SLC20A2: variants seen among roughly 807,000 people sequenced by gnomAD.
SLC20A2 encodes the protein sodium-dependent phosphate transporter 2.
SLC20A2 carries 30 observed loss-of-function variants against 61.0 expected under a neutral mutation model. The observed-to-expected ratio is 0.49, with a 90% confidence interval of 0.37 to 0.67. The LOEUF (loss-of-function observed/expected upper bound fraction) is 0.67, where lower values mean the gene tolerates loss of function less well. SLC20A2 is among the 30% of genes least tolerant of loss of function. The pLI is 0.00. For missense variants in SLC20A2, 626 were observed against 866.4 expected, an observed-to-expected ratio of 0.72 and a Z score of 3.48; for synonymous variants, 351 against 353.3, an observed-to-expected ratio of 0.99 and a Z score of 0.07.
At chr8:42,420,734 A>T (rs1802983611) in intron 10 of SLC20A2, among the ~76,000 whole-genome samples, 1 of 152,214 alleles carries the variant, frequency 6.6e-6, no homozygotes, top group Non-Finnish European at 1.5e-5. Context: ...CAGTTTTAGT[A>T]ATTTTTCAGC....
intron 1 of SLC20A2, among the ~76,000 whole-genome samples, chr8:42,481,392 A>G (rs796091701): frequency 3.9e-5 from 6 of 152,286 alleles, no homozygotes; most frequent in African/African-American, 1.4e-4. Flanking sequence ...CAATGCCGAG[A>G]AACTAGGAAG....
At chr8:42,459,047 C>T (rs1330860248) in intron 5 of SLC20A2, among the ~76,000 whole-genome samples, 12 of 146,638 alleles carry the variant, frequency 8.2e-5, no homozygotes, top group African/African-American at 1.8e-4. Flanking sequence ...TCGAGGCAGG[C>T]GGATCACAAG....
At chr8:42,541,188 C>T (rs1312263709) in intron 1 of SLC20A2, 1 of 152,140 alleles carries the variant, frequency 6.6e-6, no homozygotes, top group Non-Finnish European at 1.5e-5. Context: ...AGGAGGCGCC[C>T]GGCACTCGCA....
At chr8:42,484,722 G>A in intron 1 of SLC20A2, 1 of 372,618 alleles carries the variant, frequency 2.7e-6, no homozygotes, top group Non-Finnish European at 5.2e-6. Context: ...TCTATGGCTG[G>A]CAGCCACCAT....
intron 1 of SLC20A2, among the ~76,000 whole-genome samples, chr8:42,479,082 G>A (rs1164174761): frequency 6.6e-6 from 1 of 152,116 alleles, no homozygotes; most frequent in Non-Finnish European, 1.5e-5. Flanking sequence ...CAGAGGAAAG[G>A]CCTGCTCCAG....
At chr8:42,507,882 C>T (rs1329647108) in intron 1 of SLC20A2, among the ~76,000 whole-genome samples, 1 of 152,146 alleles carries the variant, frequency 6.6e-6, no homozygotes, top group African/African-American at 2.4e-5. Flanking sequence ...AAGGCTGGCC[C>T]GGCGCGGTGG....
At chr8:42,470,599 T>C (rs927619561) in intron 2 of SLC20A2, among the ~76,000 whole-genome samples, 2 of 152,168 alleles carry the variant, frequency 1.3e-5, no homozygotes, top group Non-Finnish European at 2.9e-5. Context: ...TACAACAGGC[T>C]GCTTCTTATC....
At chr8:42,514,468 C>A (rs952363700) in intron 1 of SLC20A2, among the ~76,000 whole-genome samples, 3 of 152,020 alleles carry the variant, frequency 2.0e-5, no homozygotes, top group African/African-American at 7.2e-5. Flanking sequence ...GCTAAAAAGC[C>A]CTCCCCTGGC....
intron 3 of SLC20A2, among the ~76,000 whole-genome samples, chr8:42,464,099 T>TTTTTTTTTTC (rs1806945372): frequency 1.7e-5 from 1 of 58,376 alleles, no homozygotes; most frequent in Admixed American, 2.1e-4. Context: ...GATCTTTTTT[T>TTTTTTTTTTC]TTTTTTTTTT....
rs528315772 is a variant in SLC20A2, at chr8:42,425,817, C to T, written c.1794+2941G>A. ...CAGCACTTTGGGAGGCTGAGGCGGG[C>T]GGATCACGAGGTCAGGAGATCGAGA... On this transcript the variant is annotated intron_variant, in intron 10 of 10. Coordinates refer to ENST00000520262, the MANE Select transcript of SLC20A2 (RefSeq NM_001257180.2). Among the ~76,000 whole-genome samples the T allele has an allele frequency of 9.9e-5, 15 of 152,062 alleles. No homozygotes were observed. The East Asian group carries it at 1.2e-3, about 12-fold the overall frequency.
At chr8:42,532,633 C>T (rs140622080) in intron 1 of SLC20A2, among the ~76,000 whole-genome samples, 2 of 152,202 alleles carry the variant, frequency 1.3e-5, no homozygotes, top group East Asian at 3.9e-4. Context: ...ACAACAAATC[C>T]ATCTAGTAAT....
At chr8:42,467,009 T>C (rs1807224949) in intron 2 of SLC20A2, among the ~76,000 whole-genome samples, 1 of 152,164 alleles carries the variant, frequency 6.6e-6, no homozygotes, top group African/African-American at 2.4e-5. Context: ...GGTCTTGCTA[T>C]GTTGCCCTGG....
At chr8:42,532,531 A>G (rs894320199) in intron 1 of SLC20A2, among the ~76,000 whole-genome samples, 5 of 152,236 alleles carry the variant, frequency 3.3e-5, no homozygotes, top group Admixed American at 6.5e-5. Flanking sequence ...AAACAGAGGA[A>G]GCTCAATGTT....
At chr8:42,443,932 G>A (rs973460683) in intron 6 of SLC20A2, among the ~76,000 whole-genome samples, 1 of 152,098 alleles carries the variant, frequency 6.6e-6, no homozygotes, top group Non-Finnish European at 1.5e-5. Flanking sequence ...TCAGTATCAC[G>A]GCTGTAGGAT....
At chr8:42,444,333 C>A (rs191473177) in intron 6 of SLC20A2, among the ~76,000 whole-genome samples, 27 of 152,304 alleles carry the variant, frequency 1.8e-4, no homozygotes, top group Admixed American at 1.5e-3. Flanking sequence ...GAGTGGGAAA[C>A]AAAATCTCCT....
At chr8:42,480,686 G>C (rs1406846743) in intron 1 of SLC20A2, among the ~76,000 whole-genome samples, 1 of 152,150 alleles carries the variant, frequency 6.6e-6, no homozygotes, top group Non-Finnish European at 1.5e-5. Context: ...TTTTGAGACA[G>C]AGTCGGTCTG....
intron 5 of SLC20A2, among the ~76,000 whole-genome samples, chr8:42,454,670 GCAGGGCCACGA>G (rs1806000365): frequency 6.6e-6 from 1 of 151,094 alleles, no homozygotes; most frequent in South Asian, 2.1e-4. Context: ...CTGGTTGAGT[GCAGGGCCACGA>G]TCATAGTTCA....
chr8:42,491,967 C>A (rs1004385299), intron 1 of SLC20A2, among the ~76,000 whole-genome samples: 3 of 152,122 alleles, frequency 2.0e-5, no homozygotes, highest in Non-Finnish European at 4.4e-5. Context: ...GAATTGTCCC[C>A]CAACAATCTC....
At chr8:42,418,179 AGTT>A (rs1396030062) in intron 10 of SLC20A2, among the ~76,000 whole-genome samples, 3 of 152,150 alleles carry the variant, frequency 2.0e-5, no homozygotes, top group Non-Finnish European at 4.4e-5. Flanking sequence ...TGTTTTATAT[AGTT>A]GTTTTGAGAC....
Sources: allele counts gnomAD v4.1 joint callset (sites outside exome capture counted in the v4.1 genomes callset), GRCh38; gene constraint gnomAD v4.1.1; transcripts MANE v1.5; gene names NCBI Gene and HGNC (gene_info 2026-07-23, HGNC 2026-07-21).